The following MNAT1 variants were observed in gnomAD, a reference collection of about 807,000 sequenced individuals.
The protein encoded by MNAT1 is CDK-activating kinase assembly factor MAT1.
A neutral mutation model predicts 42.0 loss-of-function variants in MNAT1; 43 were observed. The observed-to-expected ratio is 1.02, with a 90% CI of 0.80 to 1.32. The LOEUF (loss-of-function observed/expected upper bound fraction) is 1.32. MNAT1 is among the 40% of genes most tolerant of loss of function. The probability of loss-of-function intolerance (pLI) is 0.00; values close to 1 mark genes in which losing one functional copy is unlikely to be tolerated. For synonymous variants in MNAT1, 118 were observed against 120.0 expected (o/e 0.98, Z 0.11); for missense variants, 306 against 350.4 (o/e 0.87, Z 1.01).
intron 7 of MNAT1, among the ~76,000 whole-genome samples, chr14:60,957,923 C>T (rs1358637969): frequency 5.9e-5 from 9 of 152,108 alleles, no homozygotes; most frequent in Non-Finnish European, 8.8e-5. Context: ...CTGCAGCCTC[C>T]GCCTCCCAGG....
intron 6 of MNAT1, among the ~76,000 whole-genome samples, chr14:60,862,811 C>A (rs996814499): frequency 2.7e-4 from 41 of 152,032 alleles, no homozygotes; most frequent in Admixed American, 7.2e-4. Flanking sequence ...TTTTAAGGAT[C>A]TTCAGGATAT....
At chr14:60,807,184 G>A (rs1313485410) in intron 3 of MNAT1, among the ~76,000 whole-genome samples, 1 of 152,136 alleles carries the variant, frequency 6.6e-6, no homozygotes, top group Non-Finnish European at 1.5e-5. Flanking sequence ...AAATAAGTTG[G>A]CCTTTTGAGA....
chr14:60,741,261 A>G (rs1896451817), intron 1 of MNAT1, among the ~76,000 whole-genome samples: 1 of 152,144 alleles, frequency 6.6e-6, no homozygotes, highest in South Asian at 2.1e-4. Context: ...GCACAATCAT[A>G]AACTCCTGGG....
At chr14:60,829,815 C>A (rs1227056347) in intron 6 of MNAT1, among the ~76,000 whole-genome samples, 4 of 152,144 alleles carry the variant, frequency 2.6e-5, no homozygotes, top group Non-Finnish European at 5.9e-5. Flanking sequence ...CATTTTCCTA[C>A]AAAGTATTCT....
At chr14:60,811,174 A>G (rs1016975859) in intron 4 of MNAT1, among the ~76,000 whole-genome samples, 1 of 152,058 alleles carries the variant, frequency 6.6e-6, no homozygotes, top group South Asian at 2.1e-4. Flanking sequence ...GCATTCATCC[A>G]AGTGTTCAAT....
chr14:60,797,721 T>C (rs1287395117), intron 2 of MNAT1, among the ~76,000 whole-genome samples: 2 of 151,840 alleles, frequency 1.3e-5, no homozygotes, highest in African/African-American at 2.4e-5. Context: ...GAGATCAGAG[T>C]TTGAGACCAG....
At chr14:60,879,215 A>G (rs149686692) in intron 6 of MNAT1, among the ~76,000 whole-genome samples, 28 of 152,218 alleles carry the variant, frequency 1.8e-4, no homozygotes, top group African/African-American at 6.0e-4. Context: ...AGTCTTCACC[A>G]TAGATGTTTG....
At chr14:60,904,994 GGACGGAGTCTCGCTC>G (rs2035164985) in intron 7 of MNAT1, among the ~76,000 whole-genome samples, 1 of 118,682 alleles carries the variant, frequency 8.4e-6, no homozygotes, top group Admixed American at 9.5e-5. Context: ...TTTTTTTTTT[GGACGGAGTCTCGCTC>G]TGTTGCCCAG....
chr14:60,894,864 A>G (rs572686407), intron 7 of MNAT1, among the ~76,000 whole-genome samples: 2 of 152,348 alleles, frequency 1.3e-5, no homozygotes, highest in Non-Finnish European at 2.9e-5. Flanking sequence ...ACAAATAAAC[A>G]TGTATACACT....
chr14:60,881,597 TA>T (rs1294515154), intron 7 of MNAT1, among the ~76,000 whole-genome samples: 1 of 151,906 alleles, frequency 6.6e-6, no homozygotes, highest in South Asian at 2.1e-4. Context: ...AAGATATAAT[TA>T]AAAAAGAAAA....
chr14:60,910,849 A>G (rs1296504846), intron 7 of MNAT1, among the ~76,000 whole-genome samples: 1 of 152,190 alleles, frequency 6.6e-6, no homozygotes, highest in Non-Finnish European at 1.5e-5. Context: ...ACAATGCATT[A>G]GGGAGGATTC....
intron 7 of MNAT1, among the ~76,000 whole-genome samples, chr14:60,890,250 A>G (rs1220267312): frequency 2.0e-5 from 3 of 152,220 alleles, no homozygotes; most frequent in African/African-American, 7.2e-5. Flanking sequence ...GCACATATAC[A>G]CCATGATTTG....
chr14:60,823,300 T>G (rs1432426347), intron 6 of MNAT1, among the ~76,000 whole-genome samples: 1 of 152,206 alleles, frequency 6.6e-6, no homozygotes, highest in Non-Finnish European at 1.5e-5. Context: ...GCTCTCTGTT[T>G]ATCTGATTAC....
chr14:60,913,822 C>A (rs533679500), intron 7 of MNAT1, among the ~76,000 whole-genome samples: 2 of 152,180 alleles, frequency 1.3e-5, no homozygotes, highest in Admixed American at 6.5e-5. Flanking sequence ...TCTCCAGCTG[C>A]GTGCTGGAAG....
chr14:60,935,303 C>T (rs1218957340), intron 7 of MNAT1, among the ~76,000 whole-genome samples: 2 of 151,460 alleles, frequency 1.3e-5, no homozygotes, highest in East Asian at 3.9e-4. Context: ...CCTCATCTAC[C>T]TACCTAGCCC....
rs74937565 is a variant in MNAT1 at position 60,770,461 on chromosome 14, G to A, written c.90-25756G>A. ...TTACCCAGAGGTGCTGGATCATATGGTAGTTTTATTTTAAAGTTTTTTTTA... is the reference window on the plus strand; with the variant it reads ...TTACCCAGAGGTGCTGGATCATATGATAGTTTTATTTTAAAGTTTTTTTTA... On this transcript the variant is annotated intron_variant, in intron 1 of 7. Transcript: ENST00000261245. Among the ~76,000 whole-genome samples the A allele has an allele frequency of 3.3e-3, 507 of 152,214 alleles. 1 individual carries two copies. Among genetic ancestry groups the A allele is most frequent in the East Asian group, 0.028 (145 of 5,178 alleles).
At chr14:60,890,650 G>T (rs1036353436) in intron 7 of MNAT1, among the ~76,000 whole-genome samples, 4 of 152,180 alleles carry the variant, frequency 2.6e-5, no homozygotes, top group African/African-American at 7.2e-5. Flanking sequence ...ACTGGTTTAA[G>T]TCCAAGAGTC....
intron 7 of MNAT1, among the ~76,000 whole-genome samples, chr14:60,927,323 T>C (rs767921489): frequency 1.3e-5 from 2 of 152,230 alleles, no homozygotes; most frequent in Non-Finnish European, 2.9e-5. Flanking sequence ...TTTAGTGTGC[T>C]ACTACCAAAG....
chr14:60,849,895 G>T (rs986363088), intron 6 of MNAT1, among the ~76,000 whole-genome samples: 6 of 151,842 alleles, frequency 4.0e-5, no homozygotes, highest in Admixed American at 1.3e-4. Flanking sequence ...GGAGTGAAGT[G>T]GCATGATCTC....
Sources: allele counts gnomAD v4.1 joint callset (sites outside exome capture counted in the v4.1 genomes callset), GRCh38; gene constraint gnomAD v4.1.1; transcripts MANE v1.5; gene names NCBI Gene and HGNC (gene_info 2026-07-23, HGNC 2026-07-21).